The following NECAB1 variants were observed in gnomAD, a reference collection of about 807,000 sequenced individuals.
NECAB1 encodes N-terminal EF-hand calcium binding protein 1, also known as N-terminal EF-hand calcium-binding protein 1.
Under a neutral mutation model 57.5 loss-of-function variants are expected in NECAB1, and 29 were observed. The observed-to-expected ratio is 0.50, with a 90% CI of 0.38 to 0.69. The LOEUF (loss-of-function observed/expected upper bound fraction) is 0.69. Among genes scored for constraint, NECAB1 ranks in the 30% least tolerant of loss-of-function variants. The pLI is 0.00. For synonymous variants in NECAB1, 142 were observed against 147.7 expected (o/e 0.96, Z 0.28); for missense variants, 372 against 413.8 (o/e 0.90, Z 0.88).
At chr8:90,841,496 C>T (rs890224512) in intron 3 of NECAB1, among the ~76,000 whole-genome samples, 1 of 152,070 alleles carries the variant, frequency 6.6e-6, no homozygotes, top group Non-Finnish European at 1.5e-5. Context: ...AACATAGTAT[C>T]GAGATGCATG....
At chr8:90,914,896 A>G (rs1809915092) in intron 5 of NECAB1, among the ~76,000 whole-genome samples, 1 of 152,252 alleles carries the variant, frequency 6.6e-6, no homozygotes, top group Non-Finnish European at 1.5e-5. Context: ...CAGAAATAAA[A>G]GACATGACCT....
At chr8:90,801,804 C>A (rs529794058) in intron 2 of NECAB1, 89 bp downstream of exon 2, 3 of 903,068 alleles carry the variant, frequency 3.3e-6, no homozygotes, top group Admixed American at 3.0e-5. Flanking sequence ...GGGGACAGTC[C>A]GGGAAAATTA....
At position 90,803,639 on chromosome 8, in the gene NECAB1, C is replaced by T. The variant is rs564497343; in HGVS notation, c.124+1924C>T. The stretch of plus-strand genomic sequence containing the variant: ...TCTCATATTTCCTCACCTGCCCCCA[C>T]TCTGCCTTCCTTACCGCCTCTCCTA... On this transcript the variant is annotated intron_variant, in intron 2 of 12. Transcript: ENST00000417640. Among the ~76,000 whole-genome samples, 22 of 152,304 alleles carry T rather than the reference C, an allele frequency of 1.4e-4. 1 individual carries two copies. The highest frequency in any genetic ancestry group is 9.1e-4 in the Admixed American group (14 of 15,302).
At chr8:90,852,000 T>C (rs10956785) in intron 3 of NECAB1, among the ~76,000 whole-genome samples, 70,107 of 151,786 alleles carry the variant, frequency 0.46, 19,630 homozygotes, top group East Asian at 0.77. Flanking sequence ...CAGGCTCCAA[T>C]GTCACCTTCA....
intron 12 of NECAB1, among the ~76,000 whole-genome samples, chr8:90,953,692 T>G (rs954957258): frequency 6.6e-6 from 1 of 152,284 alleles, no homozygotes; most frequent in Non-Finnish European, 1.5e-5. Context: ...TATTTATGGG[T>G]TTTAATGGCC....
At chr8:90,881,568 T>C (rs979000569) in intron 5 of NECAB1, among the ~76,000 whole-genome samples, 6 of 152,126 alleles carry the variant, frequency 3.9e-5, no homozygotes, top group Non-Finnish European at 8.8e-5. Flanking sequence ...TAAAAGTGTA[T>C]GGCGCTTCCT....
rs1296827402 is a variant in NECAB1, at chr8:90,940,880, C to T, written c.842C>T (p.Ser281Phe). 3.2e-6 allele frequency: 5 copies of T among 1,559,138 alleles called. No individual in the cohort carries two copies. The African/African-American group carries it at 5.4e-5, about 17-fold the overall frequency. Residue 281 changes from serine to phenylalanine, a missense_variant, in exon 10 of 13, where the codon TCC (serine) becomes TTC (phenylalanine). Physicochemically the swap from Ser to Phe is radical, Grantham distance 155 (BLOSUM62 -2). Transcript: ENST00000417640. ...ALKHYVESAS[S>F]QSGCLRISIQ... ...AAACACTACGTGGAGAGTGCTTCCT[C>T]CCAAAGTGGATGCTTGCGGTAAGTG...
At chr8:90,917,357 G>T (rs751164766) in intron 5 of NECAB1, 135 bp from the exon 6 acceptor site, 3 of 683,516 alleles carry the variant, frequency 4.4e-6, no homozygotes, top group Non-Finnish European at 6.6e-6. Flanking sequence ...GGGCTCGACA[G>T]ATCTTTTCCC....
chr8:90,927,920 T>C (rs1810314324), intron 7 of NECAB1, among the ~76,000 whole-genome samples: 1 of 151,988 alleles, frequency 6.6e-6, no homozygotes, highest in African/African-American at 2.4e-5. Context: ...CTTTCCTGTT[T>C]GCAAAAGAAA....
At position 90,897,073 on chromosome 8, in the gene NECAB1, T is replaced by TA. The variant is rs750341897; in HGVS notation, c.357+15943_357+15944insA. On this transcript the variant is annotated intron_variant, in intron 5 of 12. Coordinates refer to ENST00000417640, the MANE Select transcript of NECAB1 (RefSeq NM_022351.5). ...CTTGCTTTGCTGAGAAAAAGAAAAT[T>TA]TAAAAAAAATAATTAAAAAAAAGAA... Among the ~76,000 whole-genome samples, 417 of 101,490 alleles carry TA rather than the reference T, an allele frequency of 4.1e-3. 2 individuals carry two copies. The highest frequency in any genetic ancestry group is 0.013 in the Middle Eastern group (3 of 228). The allele number at this position is 101,490 out of a possible 152,430, so 66.6% of individuals were successfully genotyped here. A position where few individuals can be genotyped will look rare whatever the true frequency, so the allele number is the denominator to read the frequency against.
intron 5 of NECAB1, among the ~76,000 whole-genome samples, chr8:90,900,880 T>C (rs189782397): frequency 1.3e-5 from 2 of 152,362 alleles, no homozygotes; most frequent in Admixed American, 1.3e-4. Context: ...GTATAATAAC[T>C]GAATTAGTTT....
At chr8:90,890,327 G>A (rs1163694742) in intron 5 of NECAB1, among the ~76,000 whole-genome samples, 1 of 152,082 alleles carries the variant, frequency 6.6e-6, no homozygotes, top group African/African-American at 2.4e-5. Flanking sequence ...ACTCCATCCT[G>A]CCACCCTGTG....
intron 12 of NECAB1, among the ~76,000 whole-genome samples, chr8:90,951,810 G>T (rs572988638): frequency 6.6e-6 from 1 of 151,772 alleles, no homozygotes; most frequent in South Asian, 2.1e-4. Flanking sequence ...GTCACCATTA[G>T]AGATAATATG....
intron 5 of NECAB1, among the ~76,000 whole-genome samples, chr8:90,915,863 G>A (rs1337531707): frequency 6.6e-6 from 1 of 152,208 alleles, no homozygotes; most frequent in African/African-American, 2.4e-5. Context: ...TCTGATATTT[G>A]AGGGCAGAAA....
chr8:90,872,290 G>A, intron 4 of NECAB1, 137 bp downstream of exon 4: 3 of 678,312 alleles, frequency 4.4e-6, no homozygotes, highest in East Asian at 3.1e-5. Flanking sequence ...AGATCTCAAG[G>A]GATTTATCTT....
chr8:90,802,022 T>G (rs1192069517), intron 2 of NECAB1, among the ~76,000 whole-genome samples: 2 of 152,204 alleles, frequency 1.3e-5, no homozygotes, highest in African/African-American at 4.8e-5. Context: ...ATTCATTGAG[T>G]GTCTACTGTG....
intron 3 of NECAB1, among the ~76,000 whole-genome samples, chr8:90,840,377 G>A (rs1366032936): frequency 2.0e-5 from 3 of 152,216 alleles, no homozygotes; most frequent in Non-Finnish European, 4.4e-5. Flanking sequence ...TAAGGAACCT[G>A]AGCCACAGTG....
In NECAB1 at chr8:90,791,850, AGCCCCGCTCCGCCTG is replaced by A; in HGVS notation, c.-36_-22del. 6.6e-7 allele frequency: 1 copy of A among 1,512,806 alleles called. No individual in the cohort carries two copies. Among genetic ancestry groups the A allele is most frequent in the Non-Finnish European group, 9.0e-7 (1 of 1,116,426 alleles). The allele number at this position is 1,512,806 out of a possible 1,614,324, so 93.7% of individuals were successfully genotyped here. ...CTTGCCAGAGCCGGTGCGTCCGCCT[AGCCCCGCTCCGCCTG>A]AGGCCGTCAGGGCTCCCGAGGATGG... On this transcript the variant is annotated 5_prime_UTR_variant, in exon 1 of 13. Transcript: ENST00000417640.
At chr8:90,864,264 A>G (rs1005752168) in intron 3 of NECAB1, among the ~76,000 whole-genome samples, 1 of 150,282 alleles carries the variant, frequency 6.7e-6, no homozygotes, top group African/African-American at 2.4e-5. Context: ...ATGGATAAGA[A>G]ACAACTCTGG....
Sources: allele counts gnomAD v4.1 joint callset (sites outside exome capture counted in the v4.1 genomes callset), GRCh38; gene constraint gnomAD v4.1.1; transcripts MANE v1.5; gene names NCBI Gene and HGNC (gene_info 2026-07-23, HGNC 2026-07-21).